Variants in KCNJ6 observed in about 807,000 individuals in gnomAD.
KCNJ6 encodes the protein potassium inwardly rectifying channel subfamily J member 6.
A neutral mutation model predicts 34.2 loss-of-function variants in KCNJ6; 9 were observed. That is an observed-to-expected ratio of 0.26 (90% CI 0.16 to 0.46). The LOEUF is 0.46. Among genes scored for constraint, KCNJ6 ranks in the 20% least tolerant of loss-of-function variants. The pLI, the probability that KCNJ6 is intolerant of heterozygous loss-of-function variation, is 1.00. For synonymous variants in KCNJ6, 196 were observed against 207.1 expected, an observed-to-expected ratio of 0.95 and a Z score of 0.46; for missense variants, 236 against 531.3, an observed-to-expected ratio of 0.44 and a Z score of 5.46.
chr21:37,637,472 AAATTAAGTATTG>A (rs1014507209), intron 3 of KCNJ6, among the ~76,000 whole-genome samples: 9 of 152,220 alleles, frequency 5.9e-5, no homozygotes, highest in African/African-American at 2.2e-4. Flanking sequence ...ATAAGTGTAT[AAATTAAGTATTG>A]AATTAAGTAA....
intron 3 of KCNJ6, among the ~76,000 whole-genome samples, chr21:37,633,817 T>C (rs946033492): frequency 6.6e-6 from 1 of 152,044 alleles, no homozygotes; most frequent in Non-Finnish European, 1.5e-5. Context: ...TTTAAATAAA[T>C]GGAGAGATAT....
intron 3 of KCNJ6, among the ~76,000 whole-genome samples, chr21:37,687,919 T>C (rs2054622816): frequency 6.6e-6 from 1 of 152,198 alleles, no homozygotes; most frequent in South Asian, 2.1e-4. Flanking sequence ...AAGTGCCAGA[T>C]GATGGAATGG....
intron 1 of KCNJ6, among the ~76,000 whole-genome samples, chr21:37,858,310 G>A (rs1012091916): frequency 1.2e-4 from 17 of 145,792 alleles, no homozygotes; most frequent in East Asian, 1.1e-3. Context: ...GGAGAATGGC[G>A]TGAACCCGGG....
intron 2 of KCNJ6, among the ~76,000 whole-genome samples, chr21:37,789,950 A>C (rs762345411): frequency 6.6e-6 from 1 of 152,210 alleles, no homozygotes; most frequent in Admixed American, 6.5e-5. Flanking sequence ...AGGCCGCTAC[A>C]TACCCAGGTG....
rs371086498 is a variant in KCNJ6 at position 37,802,812 on chromosome 21, T to C, written c.25+37846A>G. ...TCATTTTAAGGGTCACGTGAGACCATGGGCAAACAGACCTGCTTGGAAACA... is the reference window on the plus strand; with the variant it reads ...TCATTTTAAGGGTCACGTGAGACCACGGGCAAACAGACCTGCTTGGAAACA... On this transcript the variant is annotated intron_variant, in intron 2 of 3. Transcript: ENST00000609713. 2.6e-5 allele frequency among the ~76,000 whole-genome samples: 4 copies of C among 152,274 alleles called. No homozygotes were observed. In the East Asian group the frequency reaches 7.7e-4, roughly 29 times the overall value.
intron 3 of KCNJ6, among the ~76,000 whole-genome samples, chr21:37,704,854 A>T (rs2123440994): frequency 6.6e-6 from 1 of 151,768 alleles, no homozygotes; most frequent in Admixed American, 6.6e-5. Flanking sequence ...TTCCTCCCTT[A>T]AGGGTTTGTC....
intron 3 of KCNJ6, 85 bp from the exon 4 acceptor site, chr21:37,625,569 T>G: frequency 4.2e-6 from 4 of 947,044 alleles, no homozygotes; most frequent in Non-Finnish European, 6.4e-6. Context: ...GGAGGAGTAC[T>G]GCATGCAGCT....
intron 2 of KCNJ6, among the ~76,000 whole-genome samples, chr21:37,784,332 G>A (rs1041388738): frequency 3.3e-5 from 5 of 152,180 alleles, no homozygotes; most frequent in Admixed American, 2.6e-4. Context: ...GCTAAGGCCT[G>A]GTTGCAAGAC....
intron 3 of KCNJ6, among the ~76,000 whole-genome samples, chr21:37,709,071 A>G (rs1340261791): frequency 6.6e-6 from 1 of 152,220 alleles, no homozygotes; most frequent in African/African-American, 2.4e-5. Flanking sequence ...ATTCTGATAC[A>G]TGGTTGTTTA....
At chr21:37,861,115 CTTTG>C (rs1740497270) in intron 1 of KCNJ6, among the ~76,000 whole-genome samples, 1 of 152,204 alleles carries the variant, frequency 6.6e-6, no homozygotes, top group Non-Finnish European at 1.5e-5. Context: ...CTACATCAAT[CTTTG>C]TTTCTTTATT....
chr21:37,646,782 T>C (rs1056171309), intron 3 of KCNJ6, among the ~76,000 whole-genome samples: 3 of 151,950 alleles, frequency 2.0e-5, no homozygotes, highest in African/African-American at 7.3e-5. Context: ...GGCATTCTCC[T>C]GCCTCAGCCT....
At chr21:37,763,662 A>C (rs1394221177) in intron 2 of KCNJ6, among the ~76,000 whole-genome samples, 2 of 152,144 alleles carry the variant, frequency 1.3e-5, no homozygotes, top group Non-Finnish European at 2.9e-5. Context: ...TTCTAGATAC[A>C]TGGCTGTTTT....
intron 3 of KCNJ6, among the ~76,000 whole-genome samples, chr21:37,651,157 G>A (rs1238596261): frequency 6.6e-6 from 1 of 152,194 alleles, no homozygotes; most frequent in Non-Finnish European, 1.5e-5. Context: ...TGTCACTTGG[G>A]AGTAGGGATG....
At chr21:37,625,603 G>T in intron 3 of KCNJ6, 119 bp from the exon 4 acceptor site, 1 of 660,688 alleles carries the variant, frequency 1.5e-6, no homozygotes, top group Non-Finnish European at 2.6e-6. Flanking sequence ...TGCATACGAT[G>T]CCACACTTAG....
intron 1 of KCNJ6, among the ~76,000 whole-genome samples, chr21:37,878,616 G>T (rs946083925): frequency 5.3e-5 from 8 of 152,276 alleles, no homozygotes; most frequent in African/African-American, 1.9e-4. Flanking sequence ...ACCAGCACCA[G>T]AAAGTAGGAA....
intron 1 of KCNJ6, among the ~76,000 whole-genome samples, chr21:37,907,298 G>A (rs1006473842): frequency 1.3e-5 from 2 of 152,170 alleles, no homozygotes; most frequent in Non-Finnish European, 2.9e-5. Flanking sequence ...TAGACACAAG[G>A]TTCGTGTAGG....
chr21:37,807,288 T>C (rs1349975684), intron 2 of KCNJ6, among the ~76,000 whole-genome samples: 1 of 152,210 alleles, frequency 6.6e-6, no homozygotes, highest in Non-Finnish European at 1.5e-5. Context: ...CATTTTTCCA[T>C]GGTTTTGAGA....
At chr21:37,828,071 T>A (rs926388074) in intron 2 of KCNJ6, among the ~76,000 whole-genome samples, 1 of 152,214 alleles carries the variant, frequency 6.6e-6, no homozygotes, top group African/African-American at 2.4e-5. Context: ...ACACCCTCTG[T>A]GGACGGCAGG....
intron 2 of KCNJ6, among the ~76,000 whole-genome samples, chr21:37,763,055 C>T (rs2055073612): frequency 6.6e-6 from 1 of 152,146 alleles, no homozygotes; most frequent in Non-Finnish European, 1.5e-5. Context: ...GCCCGGGCTC[C>T]CGAGAAATCC....
Sources: gnomAD v4.1 joint callset for allele counts (sites outside exome capture counted in the v4.1 genomes callset) on GRCh38, gnomAD v4.1.1 for gene constraint, MANE v1.5 for transcripts, NCBI Gene and HGNC (gene_info 2026-07-23, HGNC 2026-07-21) for gene names.